PNKP: variants seen among roughly 807,000 people sequenced by gnomAD.
PNKP encodes polynucleotide kinase 3'-phosphatase.
A neutral mutation model predicts 66.2 loss-of-function variants in PNKP; 82 were observed. The observed-to-expected ratio is 1.24, with a 90% CI of 1.04 to 1.49. The LOEUF is 1.49. PNKP is among the 40% of genes most tolerant of loss of function. PNKP has a pLI of 0.00. For synonymous variants in PNKP, 412 were observed against 298.9 expected, an observed-to-expected ratio of 1.38 and a Z score of -3.90; for missense variants, 907 against 706.8, an observed-to-expected ratio of 1.28 and a Z score of -3.21.
chr19:49,863,832 T>C, intron 7 of PNKP, 72 bp from the exon 8 acceptor site: 1 of 1,444,550 alleles, frequency 6.9e-7, no homozygotes, highest in African/African-American at 1.4e-5. Context: ...CAGCCCAGAA[T>C]TTGTAGCTGA....
intron 7 of PNKP, 63 bp downstream of exon 7, chr19:49,863,901 C>T (rs2074798820): frequency 6.2e-6 from 9 of 1,451,338 alleles, no homozygotes; most frequent in African/African-American, 1.4e-5. Flanking sequence ...ACCCTGGAGT[C>T]TAAAGCCCTC....
chr19:49,866,508 G>C, intron 2 of PNKP, 63 bp from the exon 3 acceptor site: 3 of 1,511,396 alleles, frequency 2.0e-6, no homozygotes, highest in Non-Finnish European at 2.8e-6. Flanking sequence ...CTCATTTCTG[G>C]GGAGTGTGGC....
intron 8 of PNKP, among the ~76,000 whole-genome samples, chr19:49,862,996 C>T (rs1029248989): frequency 6.6e-6 from 1 of 152,138 alleles, no homozygotes; most frequent in African/African-American, 2.4e-5. Flanking sequence ...AGGGCACCCA[C>T]CCTGCTACAG....
chr19:49,866,227 TG>T (rs2074818731), intron 3 of PNKP, 171 bp downstream of exon 3: 1 of 718,900 alleles, frequency 1.4e-6, no homozygotes, highest in African/African-American at 1.7e-5. Context: ...CTCGAACTCC[TG>T]GGTTCAAGCG....
chr19:49,863,409 G>A (rs1024548551), intron 8 of PNKP, among the ~76,000 whole-genome samples: 5 of 152,214 alleles, frequency 3.3e-5, no homozygotes, highest in Non-Finnish European at 4.4e-5. Flanking sequence ...AGGCCGTCCC[G>A]CTCACTGATA....
chr19:49,861,579 CG>C lies in PNKP; in HGVS notation c.1386+28del, dbSNP rs557301449. 4.7e-6 allele frequency: 7 copies of C among 1,486,322 alleles called. No individual in the cohort carries two copies. The Admixed American group carries it at 5.9e-5, about 13-fold the overall frequency. The allele number at this position is 1,486,322 out of a possible 1,614,324, so 92.1% of individuals were successfully genotyped here. A position where few individuals can be genotyped will look rare whatever the true frequency, so the allele number is the denominator to read the frequency against. ...AGGAGGGGGGTCAGGGGGTGCAGCC[CG>C]GGGGGTGTCCGGGCTGAGCGGGCTC... On this transcript the variant is annotated intron_variant, in intron 15 of 16. Transcript: ENST00000322344.
rs1600422789 is a variant in PNKP at position 49,866,406 on chromosome 19, A to C, written c.191T>G (p.Val64Gly). 6.2e-7 allele frequency: 1 copy of C among 1,613,980 alleles called. No individual in the cohort carries two copies. The highest frequency in any genetic ancestry group is 1.3e-5 in the African/African-American group (1 of 75,004). ...VADPETRTVA[V>G]KQLGVNPSTT... ...TTGCAGAGGCACTGATACCTGTTTC[A>C]CTGCCACTGTCCGGGTCTCAGGATC... The change falls in exon 3 of 17, where the codon GTG becomes GGG. Residue 64 changes from valine to glycine, a missense_variant. Transcript: ENST00000322344.
Position 49,861,313 on chromosome 19 carries a change from T to A in PNKP, c.1501A>T (p.Ile501Phe). 6.2e-7 allele frequency: 1 copy of A among 1,613,998 alleles called. No individual in the cohort carries two copies. Among genetic ancestry groups the A allele is most frequent in the East Asian group, 2.2e-5 (1 of 44,856 alleles). ...LAEGFSAILE[I>F]PFRLWVEPRL... ...GGCTCCACCCATAGCCGGAACGGGA[T>A]CTCCAGGATGGCAGAGAAGCCTTCA... The change falls in exon 17 of 17, where the codon ATC becomes TTC. Residue 501 changes from isoleucine to phenylalanine, a missense_variant. Ile to Phe is a conservative substitution (Grantham distance 21, BLOSUM62 0). Transcript: ENST00000322344.
In PNKP at chr19:49,862,601, G is replaced by T. The variant is rs749641401; in HGVS notation, c.873C>A (p.Ala291=). Residue 291 remains alanine (A), a synonymous_variant, in exon 10 of 17, where the codon GCC becomes GCA. Coordinates refer to ENST00000322344, the MANE Select transcript of PNKP (RefSeq NM_007254.4). ...CCGGGGCCCAGTTGGCCGGGCGTCC[G>T]GCTGCGTCTGGAACACACGGGACAC... is the stretch of plus-strand genomic sequence containing the variant. The part of the protein sequence containing the change: ...IGDSIFVGDA[A]GRPANWAPGR... The T allele has an allele frequency of 6.2e-7, 1 of 1,613,728 alleles. No homozygotes were observed. Among genetic ancestry groups the T allele is most frequent in the Non-Finnish European group, 8.5e-7 (1 of 1,179,832 alleles).
At chr19:49,865,003 G>T in intron 4 of PNKP, 124 bp downstream of exon 4, 3 of 747,042 alleles carry the variant, frequency 4.0e-6, no homozygotes, top group Non-Finnish European at 6.8e-6. Flanking sequence ...AACGATCCCT[G>T]CATTTATCAT....
chr19:49,861,391 A>G, intron 16 of PNKP, 26 bp from the exon 17 acceptor site: 2 of 1,613,930 alleles, frequency 1.2e-6, no homozygotes, highest in South Asian at 1.1e-5. Context: ...ACAGTGAGGG[A>G]CAGCCTGGAT....
At chr19:49,865,587 A>C in intron 3 of PNKP, 161 bp from the exon 4 acceptor site, 2 of 550,698 alleles carry the variant, frequency 3.6e-6, no homozygotes, top group East Asian at 3.1e-5. Context: ...ACAGGTTTTC[A>C]GCCTTGTCCG....
intron 1 of PNKP, 32 bp from the exon 2 acceptor site, chr19:49,867,249 C>T (rs747910160): frequency 4.5e-6 from 7 of 1,571,930 alleles, no homozygotes; most frequent in Admixed American, 1.8e-5. Context: ...TTGAGCGGCG[C>T]ACAGCCCCAA....
Position 49,863,763 on chromosome 19 carries a change from G to A in PNKP, c.745-3C>T, listed in dbSNP as rs1255078414. 9 of 1,557,724 alleles carry A rather than the reference G, an allele frequency of 5.8e-6. No homozygotes were observed. The highest frequency in any genetic ancestry group is 1.4e-5 in the African/African-American group (1 of 73,620). On this transcript the variant is annotated splice_polypyrimidine_tract_variant and splice_region_variant and intron_variant, in intron 7 of 16. Coordinates refer to ENST00000322344, the MANE Select transcript of PNKP (RefSeq NM_007254.4). ...CCTGCGTGCGTGGCCACCAGCACCT[G>A]TGGATGGGAGGGGGCCACCAGCTTT...
Position 49,861,383 on chromosome 19 carries a change from A to G in PNKP, c.1449-18T>C, listed in dbSNP as rs2074755392. On this transcript the variant is annotated intron_variant, in intron 16 of 16. Transcript: ENST00000322344. The stretch of plus-strand genomic sequence containing the variant: ...ACTGCTTCCTGGCAGTGGTGGGAAC[A>G]GTGAGGGACAGCCTGGATCATGTGG... 6.2e-7 allele frequency: 1 copy of G among 1,613,800 alleles called. No homozygotes were observed. The highest frequency in any genetic ancestry group is 1.7e-5 in the Admixed American group (1 of 60,010).
intron 1 of PNKP, 43 bp from the exon 2 acceptor site, chr19:49,867,260 T>C: frequency 6.5e-7 from 1 of 1,548,580 alleles, no homozygotes; most frequent in Non-Finnish European, 8.7e-7. Flanking sequence ...ACAGCCCCAA[T>C]TTGCTGCAGG....
intron 2 of PNKP, 56 bp downstream of exon 2, chr19:49,866,998 G>T: frequency 1.3e-6 from 2 of 1,569,084 alleles, no homozygotes; most frequent in South Asian, 1.1e-5. Context: ...GCGTCCCTCT[G>T]GATTGTTCCC....
Position 49,867,077 on chromosome 19 carries a change from T to C in PNKP, c.128A>G (p.Asp43Gly). ...LGRGPLTQVT[D>G]RKCSRTQVEL... is the part of the protein sequence containing the mutation. ...ACCTTGAGTTCTGGAGCACTTCCGG[T>C]CCGTAACCTGGGTCAGGGGTCCCCT... Residue 43 changes from aspartate (D) to glycine (G), a missense_variant, in exon 2 of 17, where the codon GAC becomes GGC. Transcript: ENST00000322344. 3 of 1,613,856 alleles carry C rather than the reference T, an allele frequency of 1.9e-6. No homozygotes were observed. Among genetic ancestry groups the C allele is most frequent in the Non-Finnish European group, 2.5e-6 (3 of 1,179,954 alleles).
Position 49,862,522 on chromosome 19 carries a change from G to A in PNKP, c.936+16C>T, listed in dbSNP as rs369723968. The A allele has an allele frequency of 4.4e-6, 7 of 1,606,286 alleles. No individual in the cohort carries two copies. The highest frequency in any genetic ancestry group is 4.5e-5 in the East Asian group (2 of 44,480). ...AGGGTCGGGCTCGGGCGCGGGGCAG[G>A]GGGCAGGGGCCTCACCAGGCGATCG... On this transcript the variant is annotated intron_variant, in intron 10 of 16. Coordinates refer to ENST00000322344, the MANE Select transcript of PNKP (RefSeq NM_007254.4).
Sources: gnomAD v4.1 joint callset for allele counts (sites outside exome capture counted in the v4.1 genomes callset) on GRCh38, gnomAD v4.1.1 for gene constraint, MANE v1.5 for transcripts, NCBI Gene and HGNC (gene_info 2026-07-23, HGNC 2026-07-21) for gene names.